PCDHGA4: variants seen among roughly 807,000 people sequenced by gnomAD.
PCDHGA4 encodes the protein protocadherin gamma-A4.
PCDHGA4 carries 38 observed loss-of-function variants against 54.6 expected under a neutral mutation model. The ratio of observed to expected loss-of-function variants is 0.70; its 90% CI spans 0.54 to 0.91. The LOEUF is 0.91. PCDHGA4 is among the 40% of genes least tolerant of loss of function. The pLI is 0.00. For synonymous variants in PCDHGA4, 511 were observed against 512.9 expected (o/e 1.00, Z 0.05); for missense variants, 1,298 against 1,220.9 (o/e 1.06, Z -0.94).
At chr5:141,434,117 G>T (rs2097672674) in intron 1 of PCDHGA4, among the ~76,000 whole-genome samples, 1 of 152,126 alleles carries the variant, frequency 6.6e-6, no homozygotes, top group African/African-American at 2.4e-5. Context: ...TGGCCTTTGG[G>T]ACTCCCTTTA....
intron 1 of PCDHGA4, chr5:141,371,563 TC>T: frequency 6.2e-7 from 1 of 1,613,806 alleles, no homozygotes; most frequent in Non-Finnish European, 8.5e-7. Context: ...AAAGGAAACT[TC>T]CCCTTTAAAA....
rs766428179 is a variant in PCDHGA4, at chr5:141,395,052, C to T, written c.2514+37431C>T. 25 of 1,614,148 alleles carry T rather than the reference C, an allele frequency of 1.5e-5. No homozygotes were observed. In the African/African-American group the frequency reaches 3.2e-4, roughly 21 times the overall value. On this transcript the variant is annotated intron_variant, in intron 1 of 3. Coordinates refer to ENST00000571252, the MANE Select transcript of PCDHGA4 (RefSeq NM_018917.4). Reference sequence around the variant, plus strand: ...ACATTTTGTGGGTGTTGAGGAGGTACAGGCTTTCCTGCAGACCTATTCCCA... The same window carrying T: ...ACATTTTGTGGGTGTTGAGGAGGTATAGGCTTTCCTGCAGACCTATTCCCA...
chr5:141,494,996 C>A (rs2099758091), intron 2 of PCDHGA4, 131 bp downstream of exon 2: 2 of 1,539,742 alleles, frequency 1.3e-6, no homozygotes, highest in African/African-American at 1.4e-5. Context: ...CCAGGGAGGT[C>A]TTGGTGTGCG....
At position 141,432,325 on chromosome 5, in the gene PCDHGA4, C is replaced by A; in HGVS notation, c.2515-62482C>A. 6.2e-7 allele frequency: 1 copy of A among 1,614,260 alleles called. No individual in the cohort carries two copies. The highest frequency in any genetic ancestry group is 1.1e-5 in the South Asian group (1 of 91,092). On this transcript the variant is annotated intron_variant, in intron 1 of 3. Transcript: ENST00000571252. The surrounding 1 kb of genome is among the most constrained non-coding windows in gnomAD (Gnocchi z 6.0). The stretch of plus-strand genomic sequence containing the variant: ...TGTATGCGCTGAGCTCCTTCGACTA[C>A]GAGCAGTTCCGAGACTTGCAAGTGA...
intron 1 of PCDHGA4, among the ~76,000 whole-genome samples, chr5:141,380,102 G>C (rs1776217775): frequency 6.6e-6 from 1 of 151,848 alleles, no homozygotes; most frequent in Non-Finnish European, 1.5e-5. Flanking sequence ...GTTTTACCAT[G>C]ATGGCCAGGC....
At chr5:141,415,176 C>A in intron 1 of PCDHGA4, 2 of 1,613,934 alleles carry the variant, frequency 1.2e-6, no homozygotes, top group Non-Finnish European at 1.7e-6. Context: ...TCACCGTGGC[C>A]GTGGCCGACA....
In PCDHGA4 at chr5:141,408,560, A is replaced by G. The variant is rs368143982; in HGVS notation, c.2514+50939A>G. The G allele has an allele frequency of 6.3e-5, 102 of 1,613,910 alleles. No homozygotes were observed. Among genetic ancestry groups the G allele is most frequent in the Non-Finnish European group, 8.4e-5 (99 of 1,179,898 alleles). On this transcript the variant is annotated intron_variant, in intron 1 of 3. Coordinates refer to ENST00000571252, the MANE Select transcript of PCDHGA4 (RefSeq NM_018917.4). ...AAATCCTTTAAATATTTTTCATGTC[A>G]TTGTGGTGATTGAGGATGTTAATGA... is the stretch of plus-strand genomic sequence containing the variant.
chr5:141,471,790 C>T (rs1465283136), intron 1 of PCDHGA4, among the ~76,000 whole-genome samples: 1 of 152,068 alleles, frequency 6.6e-6, no homozygotes, highest in Non-Finnish European at 1.5e-5. Context: ...TATGCTATGT[C>T]ATATAAAAGA....
chr5:141,398,732 G>A (rs747131946), intron 1 of PCDHGA4: 4 of 1,613,778 alleles, frequency 2.5e-6, no homozygotes, highest in Admixed American at 1.7e-5. Flanking sequence ...ACCTTAGACC[G>A]GGAACAACAG....
In PCDHGA4 at chr5:141,462,551, G is replaced by C. The variant is rs57555347; in HGVS notation, c.2515-32256G>C. 8.3e-3 allele frequency among the ~76,000 whole-genome samples: 1,259 copies of C among 151,854 alleles called. 17 individuals carry two copies. The highest frequency in any genetic ancestry group is 0.029 in the African/African-American group (1,196 of 41,422). ...TTGTTCAGTGATCTTTTCTTCTTCA[G>C]TGTTTACTGTATTTGCTAATCCCAT... On this transcript the variant is annotated intron_variant, in intron 1 of 3. Transcript: ENST00000571252.
intron 2 of PCDHGA4, among the ~76,000 whole-genome samples, chr5:141,496,582 G>C (rs991035985): frequency 6.6e-6 from 1 of 152,100 alleles, no homozygotes; most frequent in Non-Finnish European, 1.5e-5. Flanking sequence ...TTTTAGGAAC[G>C]CAAAGCGCTT....
chr5:141,430,885 C>G, intron 1 of PCDHGA4: 1 of 1,605,218 alleles, frequency 6.2e-7, no homozygotes, highest in Non-Finnish European at 8.5e-7. Context: ...TGGAGAAAGG[C>G]TCTAGGGTGG....
At chr5:141,400,760 C>G (rs1296918626) in intron 1 of PCDHGA4, 2 of 582,290 alleles carry the variant, frequency 3.4e-6, no homozygotes, top group Non-Finnish European at 6.0e-6. Context: ...TCCTCTCTAG[C>G]AAAAACATTT....
rs2154594676 is a variant in PCDHGA4, at chr5:141,511,333, G to A, written c.*160G>A. 6.9e-7 allele frequency: 1 copy of A among 1,441,948 alleles called. No homozygotes were observed. Among genetic ancestry groups the A allele is most frequent in the Non-Finnish European group, 9.2e-7 (1 of 1,085,894 alleles). The allele number at this position is 1,441,948 out of a possible 1,614,324, so 89.3% of individuals were successfully genotyped here. On this transcript the variant is annotated 3_prime_UTR_variant, in exon 4 of 4. Transcript: ENST00000571252. Reference sequence around the variant, plus strand: ...GGAAACAGAAACAAGTGCCCAGTCAGCACCTACCCCTTCCCCCCCAGGGGG... The same window carrying A: ...GGAAACAGAAACAAGTGCCCAGTCAACACCTACCCCTTCCCCCCCAGGGGG...
At chr5:141,420,052 C>T (rs535784301) in intron 1 of PCDHGA4, 1 of 1,614,070 alleles carries the variant, frequency 6.2e-7, no homozygotes, top group South Asian at 1.1e-5. Flanking sequence ...AGTCAGTTCT[C>T]TGCTCCAAGT....
chr5:141,414,357 A>G, intron 1 of PCDHGA4: 3 of 1,613,888 alleles, frequency 1.9e-6, no homozygotes, highest in Non-Finnish European at 2.5e-6. Flanking sequence ...TGGCGTATCT[A>G]CCATTTAAAT....
chr5:141,507,504 C>T (rs1443873775), intron 3 of PCDHGA4, among the ~76,000 whole-genome samples: 1 of 152,138 alleles, frequency 6.6e-6, no homozygotes, highest in Admixed American at 6.5e-5. Flanking sequence ...TGTCCCAGGT[C>T]TGGTGGGGCT....
chr5:141,404,001 C>T, intron 1 of PCDHGA4: 8 of 1,613,870 alleles, frequency 5.0e-6, no homozygotes, highest in South Asian at 1.1e-5. Context: ...GTGACCATTA[C>T]ATCTCTGTTT....
At chr5:141,507,676 A>G (rs2099862523) in intron 3 of PCDHGA4, among the ~76,000 whole-genome samples, 1 of 152,252 alleles carries the variant, frequency 6.6e-6, no homozygotes, top group African/African-American at 2.4e-5. Flanking sequence ...TCCAGATGTT[A>G]AAAACAGAAA....
Sources: gnomAD v4.1 joint callset for allele counts (sites outside exome capture counted in the v4.1 genomes callset) on GRCh38, gnomAD v4.1.1 for gene constraint, Gnocchi (gnomAD v3.1) non-coding constraint, MANE v1.5 for transcripts, NCBI Gene and HGNC (gene_info 2026-07-23, HGNC 2026-07-21) for gene names.